The following CHDH variants were observed in gnomAD, a reference collection of about 807,000 sequenced individuals.
CHDH encodes choline dehydrogenase, mitochondrial.
CHDH carries 43 observed loss-of-function variants against 56.9 expected under a neutral mutation model. The ratio of observed to expected loss-of-function variants is 0.76; its 90% CI spans 0.59 to 0.97. CHDH has a LOEUF of 0.97. Among genes scored for constraint, CHDH ranks in the 50% least tolerant of loss-of-function variants. The pLI is 0.00. For synonymous variants in CHDH, 364 were observed against 348.5 expected, an observed-to-expected ratio of 1.04 and a Z score of -0.50; for missense variants, 816 against 821.1, an observed-to-expected ratio of 0.99 and a Z score of 0.08.
At position 53,823,326 on chromosome 3, in the gene CHDH, A is replaced by C. The variant is rs1426948221; in HGVS notation, c.683T>G (p.Met228Arg). ...ACTACCTTCATGGATGGTCATGTCC[A>C]TCCAGCCGAAGCCCTCCTGCTGGAA... Reference protein sequence around the residue: ...NGFQQEGFGWMDMTIHEGKRW... With the variant: ...NGFQQEGFGWRDMTIHEGKRW... Residue 228 changes from methionine (M) to arginine (R), a missense_variant, in exon 3 of 9, where the codon ATG (methionine) becomes AGG (arginine). Physicochemically the swap from Met to Arg is moderately conservative, Grantham distance 91 (BLOSUM62 -1). Transcript: ENST00000315251. 6.3e-7 allele frequency: 1 copy of C among 1,581,380 alleles called. No homozygotes were observed. Among genetic ancestry groups the C allele is most frequent in the Non-Finnish European group, 8.6e-7 (1 of 1,162,510 alleles).
chr3:53,835,620 G>A (rs775055621), intron 2 of CHDH, among the ~76,000 whole-genome samples: 3 of 152,204 alleles, frequency 2.0e-5, no homozygotes, highest in Admixed American at 1.3e-4. Flanking sequence ...GTGAGACCTC[G>A]AACAAGATTC....
At chr3:53,830,916 A>T (rs1407047811) in intron 2 of CHDH, among the ~76,000 whole-genome samples, 1 of 152,044 alleles carries the variant, frequency 6.6e-6, no homozygotes, top group African/African-American at 2.4e-5. Context: ...AGCAACCAAA[A>T]ATCAGGCACC....
intron 3 of CHDH, 71 bp from the exon 4 acceptor site, chr3:53,822,713 GGAGA>G: frequency 6.5e-7 from 1 of 1,547,600 alleles, no homozygotes; most frequent in Non-Finnish European, 8.7e-7. Flanking sequence ...GGAAGGAGCT[GGAGA>G]AAGAAAGAGT....
In CHDH at chr3:53,820,614, AC is replaced by A; in HGVS notation, c.986-7del. On this transcript the variant is annotated splice_region_variant and splice_polypyrimidine_tract_variant and intron_variant, in intron 5 of 8. Coordinates refer to ENST00000315251, the MANE Select transcript of CHDH (RefSeq NM_018397.5). ...TTGCAGGTTCTGGCCAACCCCTGAT[AC>A]GGGAAGGAGTGGTTTAGAAAATGGC... 6.2e-7 allele frequency: 1 copy of A among 1,609,484 alleles called. No individual in the cohort carries two copies. The highest frequency in any genetic ancestry group is 8.5e-7 in the Non-Finnish European group (1 of 1,177,848).
chr3:53,833,495 CCTTCCA>C (rs1375062451), intron 2 of CHDH, among the ~76,000 whole-genome samples: 1 of 152,174 alleles, frequency 6.6e-6, no homozygotes, highest in Admixed American at 6.5e-5. Context: ...GGAAGCAGCC[CCTTCCA>C]CTTCCCTGGG....
intron 2 of CHDH, among the ~76,000 whole-genome samples, chr3:53,837,569 C>T (rs562360779): frequency 1.7e-4 from 26 of 152,336 alleles, no homozygotes; most frequent in Middle Eastern, 6.8e-3. Flanking sequence ...CGGGCACCTC[C>T]GATGCCTGTG....
intron 5 of CHDH, among the ~76,000 whole-genome samples, chr3:53,821,372 G>A (rs542679623): frequency 6.6e-6 from 1 of 152,004 alleles, no homozygotes; most frequent in Non-Finnish European, 1.5e-5. Flanking sequence ...CGACCCAGTG[G>A]GGCTTCAGGG....
At chr3:53,818,455 A>C (rs567033473) in intron 8 of CHDH, among the ~76,000 whole-genome samples, 2 of 152,284 alleles carry the variant, frequency 1.3e-5, no homozygotes, top group South Asian at 4.2e-4. Context: ...GATCTGACTT[A>C]TCTGTAGGGC....
In CHDH at chr3:53,819,982, C is replaced by T. The variant is rs2095623086; in HGVS notation, c.1121-308G>A. 2.0e-5 allele frequency among the ~76,000 whole-genome samples: 3 copies of T among 152,240 alleles called. No homozygotes were observed. The South Asian group carries it at 6.2e-4, about 31-fold the overall frequency. On this transcript the variant is annotated intron_variant, in intron 6 of 8. Transcript: ENST00000315251. The surrounding 1 kb of genome is among the most constrained non-coding windows in gnomAD (Gnocchi z 5.4). The stretch of plus-strand genomic sequence containing the variant: ...TCCCACTACCTAGCACAGCACACAG[C>T]ACATACTAGGTGTGTGAGAAATACA...
Position 53,813,131 on chromosome 3 carries a change from T to TA in CHDH, c.*4645_*4646insT, listed in dbSNP as rs2095608069. The TA allele has an allele frequency of 2.2e-4, 3 of 13,686 alleles. No homozygotes were observed. Among genetic ancestry groups the TA allele is most frequent in the Non-Finnish European group, 4.0e-4 (3 of 7,552 alleles). The allele number at this position is 13,686 out of a possible 1,614,324, so 0.8% of individuals were successfully genotyped here. A position where few individuals can be genotyped will look rare whatever the true frequency, so the allele number is the denominator to read the frequency against. Reference sequence around the variant, plus strand: ...AATAGTATACAGACAACCTGTTAATTTTTTTTTTTTTTTTTTTTTTTGTAA... The same window carrying TA: ...AATAGTATACAGACAACCTGTTAATTATTTTTTTTTTTTTTTTTTTTTGTAA... On this transcript the variant is annotated 3_prime_UTR_variant, in exon 9 of 9. Transcript: ENST00000315251.
chr3:53,839,682 CAT>C (rs1314189592), intron 2 of CHDH, among the ~76,000 whole-genome samples: 6 of 152,184 alleles, frequency 3.9e-5, no homozygotes, highest in African/African-American at 1.4e-4. Context: ...ATAGAAATAT[CAT>C]ATAATCCAAC....
In CHDH at chr3:53,841,872, C is replaced by T. The variant is rs567976712; in HGVS notation, c.-130-873G>A. Among the ~76,000 whole-genome samples the T allele has an allele frequency of 2.3e-4, 35 of 152,228 alleles. No individual in the cohort carries two copies. The East Asian group carries it at 6.4e-3, about 28-fold the overall frequency. ...TTATAAAATAAACTCACAGGCTGGG[C>T]GCAGTGGCTCACGCCTGTAATCCCA... On this transcript the variant is annotated intron_variant, in intron 1 of 8. Coordinates refer to ENST00000315251, the MANE Select transcript of CHDH (RefSeq NM_018397.5).
intron 2 of CHDH, among the ~76,000 whole-genome samples, chr3:53,830,602 G>A (rs1367060886): frequency 6.6e-6 from 1 of 152,090 alleles, no homozygotes; most frequent in East Asian, 1.9e-4. Context: ...CTAGACAGAA[G>A]ATCAGTAAGG....
intron 2 of CHDH, among the ~76,000 whole-genome samples, chr3:53,837,175 T>C (rs770291813): frequency 6.6e-6 from 1 of 151,624 alleles, no homozygotes; most frequent in African/African-American, 2.4e-5. Flanking sequence ...GCATGGGCAA[T>C]AGAGCAAGAC....
Sources: allele counts gnomAD v4.1 joint callset (sites outside exome capture counted in the v4.1 genomes callset), GRCh38; gene constraint gnomAD v4.1.1; non-coding constraint Gnocchi (gnomAD v3.1); transcripts MANE v1.5; gene names NCBI Gene and HGNC (gene_info 2026-07-23, HGNC 2026-07-21).